The following RYR1 variants were observed in gnomAD, a reference collection of about 807,000 sequenced individuals.
The protein encoded by RYR1 is central core disease of muscle.
Under a neutral mutation model 583.5 loss-of-function variants are expected in RYR1, and 342 were observed. That is an observed-to-expected ratio of 0.59 (90% CI 0.54 to 0.64). RYR1 has a LOEUF of 0.64. Ranked by LOEUF, RYR1 falls within the 30% of genes least tolerant of loss-of-function variation. The pLI is 0.00. For synonymous variants in RYR1, 2,791 were observed against 2,822.5 expected (o/e 0.99, Z 0.35); for missense variants, 6,032 against 6,917.2 (o/e 0.87, Z 4.54).
intron 9 of RYR1, among the ~76,000 whole-genome samples, chr19:38,447,295 C>T (rs1209907664): frequency 6.6e-6 from 1 of 152,118 alleles, no homozygotes; most frequent in Non-Finnish European, 1.5e-5. Context: ...AATGCCAGCA[C>T]TTTGGGAGGC....
intron 90 of RYR1, among the ~76,000 whole-genome samples, chr19:38,564,203 A>C (rs1354445020): frequency 6.6e-6 from 1 of 151,984 alleles, no homozygotes; most frequent in East Asian, 1.9e-4. Context: ...ACACAGACAG[A>C]CCCTGTCTCT....
chr19:38,582,625 T>C (rs533845867), intron 101 of RYR1, among the ~76,000 whole-genome samples: 1 of 152,138 alleles, frequency 6.6e-6, no homozygotes, highest in East Asian at 1.9e-4. Flanking sequence ...CACTCCAGCC[T>C]GGGTAACACA....
intron 22 of RYR1, among the ~76,000 whole-genome samples, chr19:38,464,234 A>T (rs1267104789): frequency 7.0e-6 from 1 of 142,954 alleles, no homozygotes; most frequent in Non-Finnish European, 1.5e-5. Flanking sequence ...CCGAGATCAC[A>T]CTACTGCACT....
intron 84 of RYR1, among the ~76,000 whole-genome samples, chr19:38,540,191 T>A (rs1972137487): frequency 6.6e-6 from 1 of 152,028 alleles, no homozygotes; most frequent in African/African-American, 2.4e-5. Flanking sequence ...TTAAAAGGAC[T>A]TGGCTGGGCA....
At chr19:38,457,776 C>G (rs553816640) in intron 17 of RYR1, 146 bp downstream of exon 17, 2 of 888,316 alleles carry the variant, frequency 2.3e-6, no homozygotes, top group African/African-American at 3.3e-5. Context: ...ACTGTGGCCC[C>G]ACTCTCCCTT....
At chr19:38,532,619 C>T (rs1308092454) in intron 77 of RYR1, 52 bp from the exon 78 acceptor site, 6 of 1,613,068 alleles carry the variant, frequency 3.7e-6, no homozygotes, top group South Asian at 3.3e-5. Context: ...AGGGCTGGGG[C>T]GGGATGGAGG....
chr19:38,461,574 A>T (rs934589604), intron 20 of RYR1, among the ~76,000 whole-genome samples: 4 of 152,004 alleles, frequency 2.6e-5, no homozygotes, highest in African/African-American at 9.7e-5. Context: ...CTAAAAATTA[A>T]AAGTTAGCTG....
chr19:38,462,312 C>T (rs973714052), intron 20 of RYR1, among the ~76,000 whole-genome samples: 2 of 152,148 alleles, frequency 1.3e-5, no homozygotes, highest in African/African-American at 4.8e-5. Flanking sequence ...TTAGTCCAGT[C>T]CTGATTAAAC....
chr19:38,484,467 A>G (rs1432162090), intron 33 of RYR1, among the ~76,000 whole-genome samples: 1 of 113,148 alleles, frequency 8.8e-6, no homozygotes, highest in East Asian at 2.4e-4. Context: ...TCCCTCCCTC[A>G]CTTCCTTCCT....
chr19:38,527,930 C>A, intron 73 of RYR1, 146 bp downstream of exon 73: 2 of 865,584 alleles, frequency 2.3e-6, no homozygotes, highest in Non-Finnish European at 1.7e-6. Flanking sequence ...TAAGGCGAGG[C>A]TTAGAATGGA....
chr19:38,560,651 C>T (rs921343878), intron 89 of RYR1, among the ~76,000 whole-genome samples: 1 of 148,092 alleles, frequency 6.8e-6, no homozygotes, highest in East Asian at 2.0e-4. Flanking sequence ...ATCACTTGAC[C>T]CTGGGAGGTG....
At position 38,496,555 on chromosome 19, in the gene RYR1, A is replaced by T; in HGVS notation, c.6796+14A>T. 4 of 1,612,998 alleles carry T rather than the reference A, an allele frequency of 2.5e-6. No homozygotes were observed. Among genetic ancestry groups the T allele is most frequent in the Non-Finnish European group, 3.4e-6 (4 of 1,179,984 alleles). On this transcript the variant is annotated intron_variant, in intron 41 of 105. Coordinates refer to ENST00000359596, the MANE Select transcript of RYR1 (RefSeq NM_000540.3). This position sits in a 1 kb window ranked among gnomAD's most constrained non-coding sequence, Gnocchi z 4.8. ...GCATCGGCCTGGGTGAGAACCCCCGAGCCCAGGGGCTGTCCCCCAGAACCC... is the reference window on the plus strand; with the variant it reads ...GCATCGGCCTGGGTGAGAACCCCCGTGCCCAGGGGCTGTCCCCCAGAACCC...
intron 75 of RYR1, 71 bp downstream of exon 75, chr19:38,528,766 C>A: frequency 6.6e-7 from 1 of 1,525,386 alleles, no homozygotes. Context: ...ACCCTTGGCA[C>A]ACCTCCAGGG....
chr19:38,490,943 G>A (rs1012299772), intron 37 of RYR1, among the ~76,000 whole-genome samples: 2 of 152,240 alleles, frequency 1.3e-5, no homozygotes, highest in Non-Finnish European at 2.9e-5. Flanking sequence ...CTATAAGCCA[G>A]ATAAATGAAT....
At position 38,442,339 on chromosome 19, in the gene RYR1, C is replaced by A; in HGVS notation, c.166-10C>A. 2 of 1,584,836 alleles carry A rather than the reference C, an allele frequency of 1.3e-6. No individual in the cohort carries two copies. The highest frequency in any genetic ancestry group is 1.7e-6 in the Non-Finnish European group (2 of 1,153,770). ...TCTGACCCCTCACTTACATCCCCCT[C>A]CCACCCCAGAATGTGCCCCCCGATC... is the stretch of plus-strand genomic sequence containing the variant. On this transcript the variant is annotated splice_polypyrimidine_tract_variant and intron_variant, in intron 2 of 105. Transcript: ENST00000359596.
In RYR1 at chr19:38,511,709, T is replaced by C. The variant is rs540529172; in HGVS notation, c.9172+99T>C. ...TCTGCCTTAATTTGAACAACCTTTG[T>C]TGTTTTCTTCCCCTGGACCTGGAGA... On this transcript the variant is annotated intron_variant, in intron 61 of 105. Transcript: ENST00000359596. 2.1e-6 allele frequency: 3 copies of C among 1,413,856 alleles called. No individual in the cohort carries two copies. The Admixed American group carries it at 5.0e-5, about 24-fold the overall frequency. 87.6% of individuals were successfully genotyped at this position (1,413,856 alleles called of 1,614,324 possible).
intron 99 of RYR1, among the ~76,000 whole-genome samples, chr19:38,579,492 C>T (rs1974102751): frequency 6.7e-6 from 1 of 149,166 alleles, no homozygotes; most frequent in Non-Finnish European, 1.5e-5. Flanking sequence ...ACTTGGCAGG[C>T]TTAGCCTCCT....
chr19:38,467,252 C>T (rs191132606), intron 24 of RYR1, among the ~76,000 whole-genome samples: 1 of 152,278 alleles, frequency 6.6e-6, no homozygotes, highest in East Asian at 1.9e-4. Context: ...CTGGCTCTGA[C>T]CCTCCAATCC....
intron 58 of RYR1, among the ~76,000 whole-genome samples, chr19:38,509,450 ATTTT>A (rs534650223): frequency 0.051 from 5,336 of 104,224 alleles, 148 homozygotes; most frequent in South Asian, 0.18. Flanking sequence ...TATTATTATT[ATTTT>A]TTTTTTTTTT....
Sources: allele counts gnomAD v4.1 joint callset (sites outside exome capture counted in the v4.1 genomes callset), GRCh38; gene constraint gnomAD v4.1.1; non-coding constraint Gnocchi (gnomAD v3.1); transcripts MANE v1.5; gene names NCBI Gene and HGNC (gene_info 2026-07-23, HGNC 2026-07-21).